TMEM260: variants seen among roughly 807,000 people sequenced by gnomAD.
The protein encoded by TMEM260 is transmembrane protein 260.
Under a neutral mutation model 88.9 loss-of-function variants are expected in TMEM260, and 82 were observed. The ratio of observed to expected loss-of-function variants is 0.92; its 90% CI spans 0.77 to 1.11. TMEM260 has a LOEUF of 1.11. TMEM260 is among the 50% of genes least tolerant of loss of function. The pLI is 0.00. For missense variants in TMEM260, 902 were observed against 853.4 expected, an observed-to-expected ratio of 1.06 and a Z score of -0.71; for synonymous variants, 314 against 309.3, an observed-to-expected ratio of 1.02 and a Z score of -0.16.
intron 15 of TMEM260, among the ~76,000 whole-genome samples, chr14:56,646,627 T>C (rs1352248750): frequency 6.6e-6 from 1 of 152,222 alleles, no homozygotes; most frequent in Non-Finnish European, 1.5e-5. Flanking sequence ...CTATCAAAAT[T>C]ATAAATTACA....
chr14:56,639,737 A>G (rs1482769172), intron 15 of TMEM260, among the ~76,000 whole-genome samples: 1 of 152,178 alleles, frequency 6.6e-6, no homozygotes, highest in African/African-American at 2.4e-5. Context: ...TTCCTAGTCA[A>G]AGAAAGGGGT....
intron 5 of TMEM260, among the ~76,000 whole-genome samples, chr14:56,606,717 G>A (rs1886926105): frequency 6.6e-6 from 1 of 152,006 alleles, no homozygotes; most frequent in Non-Finnish European, 1.5e-5. Flanking sequence ...CACGGTGAAA[G>A]TCTGTCTCTA....
Position 56,602,499 on chromosome 14 carries a change from G to T in TMEM260, c.345-1316G>T, listed in dbSNP as rs571168419. Among the ~76,000 whole-genome samples the T allele has an allele frequency of 1.2e-4, 19 of 152,136 alleles. 1 individual carries two copies. The South Asian group carries it at 3.9e-3, about 32-fold the overall frequency. ...GGAGAGTCCTTAAGTTTTTGGGCTG[G>T]GTAGTCATAAAGGATATGTTTTAGG... is the stretch of plus-strand genomic sequence containing the variant. On this transcript the variant is annotated intron_variant, in intron 3 of 15. Transcript: ENST00000261556.
chr14:56,604,370 T>A (rs1886765602), intron 4 of TMEM260, among the ~76,000 whole-genome samples: 1 of 152,122 alleles, frequency 6.6e-6, no homozygotes, highest in South Asian at 2.1e-4. Flanking sequence ...ACTCCTTAAT[T>A]GCCAAAAAAG....
chr14:56,618,084 C>T (rs1294164154), intron 9 of TMEM260, among the ~76,000 whole-genome samples: 2 of 152,294 alleles, frequency 1.3e-5, no homozygotes, highest in East Asian at 3.9e-4. Context: ...CAGAGATAGA[C>T]TCTAGCCCTG....
At chr14:56,601,335 A>G (rs1304232321) in intron 3 of TMEM260, among the ~76,000 whole-genome samples, 1 of 152,158 alleles carries the variant, frequency 6.6e-6, no homozygotes, top group African/African-American at 2.4e-5. Flanking sequence ...TATTCTGCTT[A>G]GCTTCAGGTA....
In TMEM260 at chr14:56,585,871, T is replaced by C; in HGVS notation, c.303T>C (p.Phe101=). The C allele has an allele frequency of 6.2e-7, 1 of 1,613,622 alleles. No homozygotes were observed. The highest frequency in any genetic ancestry group is 8.5e-7 in the Non-Finnish European group (1 of 1,179,696). ...GCGTCAATCTTCTCTGTGGCTTATT[T>C]GGAGCAGTAGCTGCATCATTACTTT... ...AYRVNLLCGL[F]GAVAASLLFF... The change falls in exon 3 of 16, where the codon TTT becomes TTC. Residue 101 remains phenylalanine (F), a synonymous_variant. Transcript: ENST00000261556.
At chr14:56,629,072 T>C (rs2139616191) in intron 12 of TMEM260, among the ~76,000 whole-genome samples, 1 of 152,070 alleles carries the variant, frequency 6.6e-6, no homozygotes. Flanking sequence ...ATTTTTGTAT[T>C]TTTAGTAGAG....
chr14:56,634,478 T>TGTCA (rs932321457), intron 13 of TMEM260, among the ~76,000 whole-genome samples: 1 of 152,212 alleles, frequency 6.6e-6, no homozygotes, highest in African/African-American at 2.4e-5. Context: ...ATTTGATCAC[T>TGTCA]GTCAGTATTT....
intron 3 of TMEM260, among the ~76,000 whole-genome samples, chr14:56,595,157 T>C (rs1023729559): frequency 2.0e-5 from 3 of 152,224 alleles, no homozygotes; most frequent in Non-Finnish European, 4.4e-5. Context: ...ATAAAAGTGC[T>C]TCTCAGTAAT....
chr14:56,620,416 C>G (rs765479040), intron 10 of TMEM260, among the ~76,000 whole-genome samples: 12 of 152,210 alleles, frequency 7.9e-5, no homozygotes, highest in Non-Finnish European at 1.5e-4. Context: ...ATCGCTAGCT[C>G]AAGAAGGTGC....
At chr14:56,596,425 T>TACAC (rs746453170) in intron 3 of TMEM260, among the ~76,000 whole-genome samples, 4,523 of 135,542 alleles carry the variant, frequency 0.033, 106 homozygotes, top group African/African-American at 0.042. Context: ...TATATATATA[T>TACAC]ACATACACAC....
downstream of TMEM260, among the ~76,000 whole-genome samples, chr14:56,653,741 C>CAAAAAAAAAAAAAAAACA (rs370392374): frequency 1.0e-5 from 1 of 97,912 alleles, no homozygotes; most frequent in African/African-American, 4.0e-5. Context: ...GTCTCCAAAA[C>CAAAAAAAAAAAAAAAACA]AAAAAAAAAA....
At position 56,609,268 on chromosome 14, in the gene TMEM260, T is replaced by C; in HGVS notation, c.799T>C (p.Tyr267His). 1 of 1,614,014 alleles carries C rather than the reference T, an allele frequency of 6.2e-7. No homozygotes were observed. ...GFLTHFLREE[Y>H]GTFSLAKSEI... is the part of the protein sequence containing the mutation. ...TTTGACACATTTTCTCAGGGAAGAA[T>C]ATGGAACCTTCAGCCTGGTAAATTC... The change falls in exon 6 of 16, where the codon TAT becomes CAT. Residue 267 changes from tyrosine to histidine, a missense_variant. Physicochemically the swap from Tyr to His is moderately conservative, Grantham distance 83. Coordinates refer to ENST00000261556, the MANE Select transcript of TMEM260 (RefSeq NM_017799.4).
At chr14:56,582,052 T>G (rs991425202) in intron 1 of TMEM260, among the ~76,000 whole-genome samples, 5 of 152,234 alleles carry the variant, frequency 3.3e-5, no homozygotes, top group African/African-American at 1.2e-4. Context: ...AATATTTTTA[T>G]GTTCATTTTT....
rs558042549 is a variant in TMEM260, at chr14:56,634,866, CAGAA to C, written c.1725-29_1725-26del. ...TCAAAAAAAAAAAAAAAGTGGGTGA[CAGAA>C]AGATATTACTGTTTTCTTGTAACTA... On this transcript the variant is annotated intron_variant, in intron 13 of 15. Coordinates refer to ENST00000261556, the MANE Select transcript of TMEM260 (RefSeq NM_017799.4). The C allele has an allele frequency of 8.6e-5, 135 of 1,570,592 alleles. 1 individual carries two copies. In the East Asian group the frequency reaches 2.0e-3, roughly 24 times the overall value.
intron 1 of TMEM260, among the ~76,000 whole-genome samples, chr14:56,581,230 A>G (rs540450094): frequency 1.5e-4 from 23 of 152,230 alleles, no homozygotes; most frequent in African/African-American, 5.3e-4. Flanking sequence ...GAACTTCGTC[A>G]GTAAACCCAA....
Position 56,647,600 on chromosome 14 carries a change from A to G in TMEM260, c.*103A>G. The G allele has an allele frequency of 7.9e-7, 1 of 1,269,684 alleles. No individual in the cohort carries two copies. The highest frequency in any genetic ancestry group is 1.1e-6 in the Non-Finnish European group (1 of 941,484). The allele number at this position is 1,269,684 out of a possible 1,614,324, so 78.7% of individuals were successfully genotyped here. Reference sequence around the variant, plus strand: ...GAAACTGCATAAAAAATTTAAAACTAAGTCATCTCCCAGATATAAGTATCA... The same window carrying G: ...GAAACTGCATAAAAAATTTAAAACTGAGTCATCTCCCAGATATAAGTATCA... On this transcript the variant is annotated 3_prime_UTR_variant, in exon 16 of 16. Coordinates refer to ENST00000261556, the MANE Select transcript of TMEM260 (RefSeq NM_017799.4).
At chr14:56,626,243 T>A (rs1183336768) in intron 12 of TMEM260, among the ~76,000 whole-genome samples, 1 of 152,210 alleles carries the variant, frequency 6.6e-6, no homozygotes, top group Non-Finnish European at 1.5e-5. Flanking sequence ...TAATGTGGTA[T>A]TTTGGGTGTT....
Sources: allele counts gnomAD v4.1 joint callset (sites outside exome capture counted in the v4.1 genomes callset), GRCh38; gene constraint gnomAD v4.1.1; transcripts MANE v1.5; gene names NCBI Gene and HGNC (gene_info 2026-07-23, HGNC 2026-07-21).